Variants in SCMH1 observed in about 807,000 individuals in gnomAD.
SCMH1 encodes the protein Scm polycomb group protein homolog 1.
In SCMH1, 37 loss-of-function variants were observed where a neutral mutation model predicts 70.8. The ratio of observed to expected loss-of-function variants is 0.52; its 90% CI spans 0.40 to 0.69. The LOEUF is 0.69. Ranked by LOEUF, SCMH1 falls within the 30% of genes least tolerant of loss-of-function variation. The pLI, the probability that SCMH1 is intolerant of heterozygous loss-of-function variation, is 0.00. For synonymous variants in SCMH1, 292 were observed against 307.4 expected (o/e 0.95, Z 0.52); for missense variants, 607 against 827.3 (o/e 0.73, Z 3.27).
intron 8 of SCMH1, among the ~76,000 whole-genome samples, chr1:41,083,761 C>G (rs1046872333): frequency 1.1e-4 from 17 of 152,146 alleles, no homozygotes; most frequent in South Asian, 2.1e-4. Context: ...CAGCATGGTA[C>G]TGGTACCAAA....
intron 1 of SCMH1, among the ~76,000 whole-genome samples, chr1:41,205,096 C>A (rs1483794520): frequency 6.6e-6 from 1 of 152,142 alleles, no homozygotes; most frequent in African/African-American, 2.4e-5. Context: ...TGAATAGGAA[C>A]AGCTCCAGTC....
At chr1:41,196,398 C>A (rs1653030852) in intron 1 of SCMH1, among the ~76,000 whole-genome samples, 1 of 151,926 alleles carries the variant, frequency 6.6e-6, no homozygotes, top group African/African-American at 2.4e-5. Context: ...ACAGAGAGCT[C>A]AAAAATAGTT....
chr1:41,038,609 C>G lies in SCMH1; in HGVS notation c.1499-1068G>C, dbSNP rs555347073. 3.9e-5 allele frequency among the ~76,000 whole-genome samples: 6 copies of G among 152,292 alleles called. No individual in the cohort carries two copies. In the South Asian group the frequency reaches 1.2e-3, roughly 32 times the overall value. On this transcript the variant is annotated intron_variant, in intron 12 of 14. Transcript: ENST00000337495. ...ATACTTACCTAAAATTGCTTGGCAA[C>G]TATGAGCTCAAAGTAAAATCTAGGA...
intron 13 of SCMH1, 96 bp downstream of exon 14, chr1:41,033,887 T>A: frequency 2.5e-5 from 40 of 1,574,986 alleles, no homozygotes; most frequent in Non-Finnish European, 3.4e-5. Flanking sequence ...AACAGTACCA[T>A]CTGAGGCCAG....
chr1:41,090,269 A>C (rs1663017023), intron 8 of SCMH1, among the ~76,000 whole-genome samples: 1 of 152,214 alleles, frequency 6.6e-6, no homozygotes, highest in Non-Finnish European at 1.5e-5. Context: ...ACATGTTAAC[A>C]CCTTTTTATG....
At chr1:41,223,513 CTTT>C (rs139919027) in intron 1 of SCMH1, among the ~76,000 whole-genome samples, 26 of 145,544 alleles carry the variant, frequency 1.8e-4, no homozygotes, top group Admixed American at 4.8e-4. Context: ...GTAATTTTAT[CTTT>C]TTTTTTTTAA....
intron 2 of SCMH1, among the ~76,000 whole-genome samples, chr1:41,182,851 T>A (rs1231365730): frequency 6.6e-6 from 1 of 152,194 alleles, no homozygotes; most frequent in African/African-American, 2.4e-5. Context: ...GTGTAATTTT[T>A]AAGTACTGCC....
chr1:41,102,116 T>C (rs1457481820), intron 8 of SCMH1, among the ~76,000 whole-genome samples: 1 of 152,140 alleles, frequency 6.6e-6, no homozygotes, highest in Non-Finnish European at 1.5e-5. Context: ...CAACAGAGCA[T>C]AGGGAATTGG....
In SCMH1 at chr1:41,113,676, A is replaced by T; in HGVS notation, c.502-150T>A. On this transcript the variant is annotated intron_variant, in intron 7 of 14. Transcript: ENST00000337495. The surrounding 1 kb of genome is among the most constrained non-coding windows in gnomAD (Gnocchi z 4.3). ...TTTCTTTTAAATTAATTTTAAATTC[A>T]ATATTTCAATATTTAAAGTATTACT... The T allele has an allele frequency of 5.6e-6, 4 of 709,308 alleles. No homozygotes were observed. The highest frequency in any genetic ancestry group is 8.0e-6 in the Non-Finnish European group (4 of 498,832). 43.9% of individuals were successfully genotyped at this position (709,308 alleles called of 1,614,324 possible). A position where few individuals can be genotyped will look rare whatever the true frequency, so the allele number is the denominator to read the frequency against.
intron 8 of SCMH1, among the ~76,000 whole-genome samples, chr1:41,077,053 G>A (rs1658497412): frequency 6.6e-6 from 1 of 152,112 alleles, no homozygotes; most frequent in Non-Finnish European, 1.5e-5. Flanking sequence ...TAGGCCTCCA[G>A]GTAGGAAGTG....
At chr1:41,043,813 G>A (rs757163779) in intron 12 of SCMH1, 1 of 151,950 alleles carries the variant, frequency 6.6e-6, no homozygotes, top group African/African-American at 2.4e-5. Context: ...AAACACAAAA[G>A]TATTTAAGGA....
chr1:41,091,055 AAAAAT>A (rs1379789010), intron 8 of SCMH1, among the ~76,000 whole-genome samples: 60 of 148,088 alleles, frequency 4.1e-4, no homozygotes, highest in African/African-American at 1.2e-3. Context: ...AAAAAAAAAA[AAAAAT>A]GTTAGTTGAG....
intron 12 of SCMH1, 59 bp from the exon 13 acceptor site, chr1:41,037,600 A>C: frequency 6.7e-7 from 1 of 1,493,694 alleles, no homozygotes; most frequent in Non-Finnish European, 9.2e-7. Context: ...GCTGGCTCCC[A>C]GATACCTGTT....
At chr1:41,186,334 C>T (rs1411403526) in intron 1 of SCMH1, 84 bp from the exon 2 acceptor site, 1 of 404,186 alleles carries the variant, frequency 2.5e-6, no homozygotes, top group African/African-American at 2.0e-5. Context: ...AACAATTAGG[C>T]TACATTATAA....
chr1:41,175,863 T>A (rs1032937786), intron 2 of SCMH1, among the ~76,000 whole-genome samples: 1 of 152,148 alleles, frequency 6.6e-6, no homozygotes, highest in African/African-American at 2.4e-5. Flanking sequence ...AAAAACTAGA[T>A]TAGGCTTTAA....
Position 41,206,429 on chromosome 1 carries a change from T to C in SCMH1, c.-117-20179A>G, listed in dbSNP as rs1462789721. Among the ~76,000 whole-genome samples, 6 of 152,052 alleles carry C rather than the reference T, an allele frequency of 3.9e-5. No individual in the cohort carries two copies. The East Asian group carries it at 1.2e-3, about 29-fold the overall frequency. ...AGCTTCAGTAGCCGATTTGACCAAG[T>C]GGAAGAAAGGATATCAGTGATTGAA... On this transcript the variant is annotated intron_variant, in intron 1 of 14. Transcript: ENST00000337495.
At chr1:41,217,643 T>C (rs1217915129) in intron 1 of SCMH1, among the ~76,000 whole-genome samples, 4 of 152,216 alleles carry the variant, frequency 2.6e-5, no homozygotes, top group South Asian at 2.1e-4. Context: ...GACAAGGTTT[T>C]TGAGAATTTC....
At chr1:41,085,597 T>G (rs1459484844) in intron 8 of SCMH1, among the ~76,000 whole-genome samples, 1 of 152,180 alleles carries the variant, frequency 6.6e-6, no homozygotes, top group African/African-American at 2.4e-5. Flanking sequence ...GTAGATGACA[T>G]GACAGGGTAT....
At chr1:41,227,650 A>C (rs1298453120) in intron 1 of SCMH1, among the ~76,000 whole-genome samples, 7 of 152,196 alleles carry the variant, frequency 4.6e-5, no homozygotes, top group Non-Finnish European at 1.5e-5. Context: ...CTATGTCACA[A>C]GTGGTAAAGA....
Sources: allele counts gnomAD v4.1 joint callset (sites outside exome capture counted in the v4.1 genomes callset), GRCh38; gene constraint gnomAD v4.1.1; non-coding constraint Gnocchi (gnomAD v3.1); transcripts MANE v1.5; gene names NCBI Gene and HGNC (gene_info 2026-07-23, HGNC 2026-07-21).